Variants in SUV39H2 observed in about 807,000 individuals in gnomAD.
SUV39H2 encodes the protein SUV39H2 histone lysine methyltransferase.
SUV39H2 carries 10 observed loss-of-function variants against 47.5 expected under a neutral mutation model. The ratio of observed to expected loss-of-function variants is 0.21; its 90% CI spans 0.13 to 0.36. The LOEUF (loss-of-function observed/expected upper bound fraction) is 0.36, where lower values mean the gene tolerates loss of function less well. Among genes scored for constraint, SUV39H2 ranks in the 10% least tolerant of loss-of-function variants. SUV39H2 has a pLI of 1.00. For missense variants in SUV39H2, 266 were observed against 487.4 expected (o/e 0.55, Z 4.28); for synonymous variants, 159 against 166.8 (o/e 0.95, Z 0.36).
intron 2 of SUV39H2, among the ~76,000 whole-genome samples, chr10:14,887,301 T>G (rs1014646032): frequency 6.6e-6 from 1 of 151,528 alleles, no homozygotes; most frequent in African/African-American, 2.4e-5. Context: ...CAGGGTTGGG[T>G]GGGGGTCTGG....
At chr10:14,895,356 T>G (rs902340769) in intron 2 of SUV39H2, among the ~76,000 whole-genome samples, 2 of 152,038 alleles carry the variant, frequency 1.3e-5, no homozygotes, top group Non-Finnish European at 2.9e-5. Context: ...TTTTGTATTT[T>G]TAGTAGACAG....
intron 2 of SUV39H2, among the ~76,000 whole-genome samples, chr10:14,886,698 A>G (rs1833220887): frequency 6.6e-6 from 1 of 152,226 alleles, no homozygotes; most frequent in Non-Finnish European, 1.5e-5. Flanking sequence ...TGTGCCAGAC[A>G]CTGTGTTAGG....
In SUV39H2 at chr10:14,892,075, A is replaced by C. The variant is rs11593169; in HGVS notation, c.178-4771A>C. 2.3e-3 allele frequency among the ~76,000 whole-genome samples: 357 copies of C among 152,336 alleles called. 1 individual carries two copies. The highest frequency in any genetic ancestry group is 6.8e-3 in the Middle Eastern group (2 of 294). On this transcript the variant is annotated intron_variant, in intron 2 of 5. Coordinates refer to ENST00000354919, the MANE Select transcript of SUV39H2 (RefSeq NM_001193424.2). Reference sequence around the variant, plus strand: ...GCCAGACAGGGTCCTGAGTGTCTCCATCGTGTAAGTGATGGTCAGGGGAAG... The same window carrying C: ...GCCAGACAGGGTCCTGAGTGTCTCCCTCGTGTAAGTGATGGTCAGGGGAAG...
chr10:14,878,977 C>T, intron 1 of SUV39H2, 58 bp downstream of exon 1: 3 of 1,365,774 alleles, frequency 2.2e-6, no homozygotes, highest in East Asian at 3.1e-5. Flanking sequence ...TCCCAAGGCC[C>T]GGGCGGCGGG....
intron 3 of SUV39H2, chr10:14,898,308 A>G (rs1833748039): frequency 1.3e-5 from 2 of 149,042 alleles, no homozygotes; most frequent in South Asian, 4.2e-4. Context: ...ACATAGTAAT[A>G]AGAACCGAGA....
intron 2 of SUV39H2, among the ~76,000 whole-genome samples, chr10:14,883,333 C>T (rs1028368341): frequency 6.6e-6 from 1 of 152,170 alleles, no homozygotes; most frequent in Non-Finnish European, 1.5e-5. Context: ...TACTGCATGT[C>T]CCATTAATTT....
rs1834173018 is a variant in SUV39H2 at position 14,903,731 on chromosome 10, A to C, written c.*1219A>C. 1 of 152,152 alleles carries C rather than the reference A, an allele frequency of 6.6e-6. No homozygotes were observed. The highest frequency in any genetic ancestry group is 1.5e-5 in the Non-Finnish European group (1 of 68,028). 9.4% of individuals were successfully genotyped at this position (152,152 alleles called of 1,614,324 possible). On this transcript the variant is annotated 3_prime_UTR_variant, in exon 6 of 6. Transcript: ENST00000354919. ...AACTATTCTTTCATGTCTGATTCTG[A>C]GATTTCTAATTGTGTTGTGAAAATG...
intron 2 of SUV39H2, among the ~76,000 whole-genome samples, chr10:14,882,754 C>T (rs766325426): frequency 6.6e-6 from 1 of 152,096 alleles, no homozygotes. Flanking sequence ...AAAATAGGAT[C>T]TTTCATTTGT....
At chr10:14,892,507 G>A (rs76691557) in intron 2 of SUV39H2, among the ~76,000 whole-genome samples, 432 of 152,226 alleles carry the variant, frequency 2.8e-3, no homozygotes, top group Non-Finnish European at 4.5e-3. Flanking sequence ...TTTTGCCCAC[G>A]TTTTTCATCC....
chr10:14,897,136 T>G lies in SUV39H2; in HGVS notation c.468T>G (p.Val156=). ...AGAATCATAAAGGAATGATATTTGT[T>G]GAAAATACTGTTGATTTAGAGGGCC... ...RRKNHKGMIF[V]ENTVDLEGPP... Residue 156 remains valine, a synonymous_variant, in exon 3 of 6, where the codon GTT becomes GTG. Transcript: ENST00000354919. 6.2e-7 allele frequency: 1 copy of G among 1,613,758 alleles called. No individual in the cohort carries two copies. Among genetic ancestry groups the G allele is most frequent in the Middle Eastern group, 1.6e-4 (1 of 6,062 alleles).
At chr10:14,887,313 A>C (rs1478189019) in intron 2 of SUV39H2, among the ~76,000 whole-genome samples, 1 of 152,164 alleles carries the variant, frequency 6.6e-6, no homozygotes, top group Non-Finnish European at 1.5e-5. Flanking sequence ...GGGGTCTGGT[A>C]GTGAAGGTGC....
intron 2 of SUV39H2, among the ~76,000 whole-genome samples, chr10:14,892,999 ATTTTTTTTTTTTT>A (rs869161891): frequency 1.1e-4 from 9 of 79,910 alleles, no homozygotes; most frequent in African/African-American, 4.4e-4. Context: ...AATTTTTTGT[ATTTTTTTTTTTTT>A]TTTTTTTTTT....
rs1834156074 is a variant in SUV39H2, at chr10:14,903,458, C to G, written c.*946C>G. On this transcript the variant is annotated 3_prime_UTR_variant, in exon 6 of 6. Coordinates refer to ENST00000354919, the MANE Select transcript of SUV39H2 (RefSeq NM_001193424.2). ...GCCTCTCAATTTCAGGCAGGTGTAA[C>G]AGTTCCTTTCCACCAGATTTAATAT... 1 of 152,210 alleles carries G rather than the reference C, an allele frequency of 6.6e-6. No homozygotes were observed. The highest frequency in any genetic ancestry group is 2.1e-4 in the South Asian group (1 of 4,834). 9.4% of individuals were successfully genotyped at this position (152,210 alleles called of 1,614,324 possible).
At chr10:14,881,854 A>G (rs1424372511) in intron 2 of SUV39H2, among the ~76,000 whole-genome samples, 3 of 152,236 alleles carry the variant, frequency 2.0e-5, no homozygotes, top group Non-Finnish European at 2.9e-5. Context: ...GAATATTTTC[A>G]GGTGCTCATA....
At chr10:14,899,449 T>G in intron 3 of SUV39H2, 90 bp from the exon 4 acceptor site, 1 of 1,367,150 alleles carries the variant, frequency 7.3e-7, no homozygotes, top group Admixed American at 2.0e-5. Context: ...TTTTTAAATA[T>G]TTGTAGGTAT....
At chr10:14,889,675 C>T (rs1222392721) in intron 2 of SUV39H2, among the ~76,000 whole-genome samples, 1 of 152,096 alleles carries the variant, frequency 6.6e-6, no homozygotes, top group Non-Finnish European at 1.5e-5. Context: ...CTGAAAATAA[C>T]ACAGGAGGTA....
intron 2 of SUV39H2, among the ~76,000 whole-genome samples, chr10:14,895,013 A>G (rs908537457): frequency 1.3e-5 from 2 of 152,102 alleles, no homozygotes; most frequent in African/African-American, 4.8e-5. Flanking sequence ...TAACTGTCCA[A>G]TGCAGTTTAA....
At chr10:14,883,478 G>C (rs1330371793) in intron 2 of SUV39H2, among the ~76,000 whole-genome samples, 2 of 151,788 alleles carry the variant, frequency 1.3e-5, no homozygotes, top group Non-Finnish European at 2.9e-5. Flanking sequence ...GCCAAGGCGG[G>C]CAGATCACTC....
At chr10:14,898,598 T>C (rs1376129827) in intron 3 of SUV39H2, 1 of 152,242 alleles carries the variant, frequency 6.6e-6, no homozygotes, top group Non-Finnish European at 1.5e-5. Flanking sequence ...TTACTCTTTT[T>C]GTTAACCAAA....
Sources: gnomAD v4.1 joint callset for allele counts (sites outside exome capture counted in the v4.1 genomes callset) on GRCh38, gnomAD v4.1.1 for gene constraint, MANE v1.5 for transcripts, NCBI Gene and HGNC (gene_info 2026-07-23, HGNC 2026-07-21) for gene names.